Variants in EBF1 observed in about 807,000 individuals in gnomAD.
EBF1 encodes the protein transcription factor COE1.
EBF1 carries 10 observed loss-of-function variants against 68.4 expected under a neutral mutation model. The observed-to-expected ratio is 0.15, with a 90% CI of 0.09 to 0.25. EBF1 has a LOEUF of 0.25. Ranked by LOEUF, EBF1 falls within the 10% of genes least tolerant of loss-of-function variation. The pLI, the probability that EBF1 is intolerant of heterozygous loss-of-function variation, is 1.00. For synonymous variants in EBF1, 298 were observed against 299.8 expected, an observed-to-expected ratio of 0.99 and a Z score of 0.06; for missense variants, 509 against 794.4, an observed-to-expected ratio of 0.64 and a Z score of 4.32.
intron 6 of EBF1, among the ~76,000 whole-genome samples, chr5:158,974,556 C>T (rs1380713707): frequency 6.6e-6 from 1 of 152,186 alleles, no homozygotes; most frequent in African/African-American, 2.4e-5. Flanking sequence ...CTTGAATACA[C>T]ACACACATTA....
chr5:158,759,773 G>A (rs1470827644), intron 10 of EBF1, among the ~76,000 whole-genome samples: 1 of 151,970 alleles, frequency 6.6e-6, no homozygotes, highest in Admixed American at 6.6e-5. Flanking sequence ...GCCTCCTTGT[G>A]TATTGCCTGC....
intron 10 of EBF1, among the ~76,000 whole-genome samples, chr5:158,744,945 G>T (rs1049152911): frequency 3.3e-5 from 5 of 152,116 alleles, no homozygotes; most frequent in African/African-American, 1.2e-4. Context: ...TTAAGAAGTG[G>T]ATTGAACTAA....
At chr5:159,007,920 G>C (rs1763879675) in intron 6 of EBF1, among the ~76,000 whole-genome samples, 1 of 152,156 alleles carries the variant, frequency 6.6e-6, no homozygotes, top group Non-Finnish European at 1.5e-5. Flanking sequence ...CCCAACAAAT[G>C]TTAAAATTGA....
chr5:159,045,948 T>C (rs541101878), intron 6 of EBF1, among the ~76,000 whole-genome samples: 1 of 152,176 alleles, frequency 6.6e-6, no homozygotes, highest in Non-Finnish European at 1.5e-5. Flanking sequence ...CCATAGCCTA[T>C]CTGAGCTTTG....
chr5:158,735,965 C>T lies in EBF1; in HGVS notation c.1037-4808G>A, dbSNP rs147986559. On this transcript the variant is annotated intron_variant, in intron 10 of 15. Coordinates refer to ENST00000313708, the MANE Select transcript of EBF1 (RefSeq NM_024007.5). ...ATGAAATGCTATATGCAAAGAAAATCGAGATAACACAACTAGTTTTTATGC... is the reference window on the plus strand; with the variant it reads ...ATGAAATGCTATATGCAAAGAAAATTGAGATAACACAACTAGTTTTTATGC... 8.4e-3 allele frequency among the ~76,000 whole-genome samples: 1,281 copies of T among 152,228 alleles called. 15 individuals carry two copies. The highest frequency in any genetic ancestry group is 0.029 in the African/African-American group (1,199 of 41,540).
chr5:159,064,899 C>CTTTTTTTTTTTTTTTTTTTTTTTT (rs57256923), intron 6 of EBF1, among the ~76,000 whole-genome samples: 1 of 67,912 alleles, frequency 1.5e-5, no homozygotes, highest in Non-Finnish European at 2.5e-5. Flanking sequence ...CTCTTTTCAT[C>CTTTTTTTTTTTTTTTTTTTTTTTT]TTTTTTTTTT....
At chr5:158,763,507 C>T (rs556546839) in intron 10 of EBF1, among the ~76,000 whole-genome samples, 3 of 152,140 alleles carry the variant, frequency 2.0e-5, no homozygotes, top group Non-Finnish European at 4.4e-5. Flanking sequence ...TCAAGAAAAC[C>T]CCCTTCTTTT....
intron 6 of EBF1, among the ~76,000 whole-genome samples, chr5:158,906,222 A>C (rs1402875890): frequency 6.6e-6 from 1 of 151,500 alleles, no homozygotes; most frequent in Non-Finnish European, 1.5e-5. Flanking sequence ...AGAATGTTGT[A>C]AGTGACAGTT....
intron 6 of EBF1, among the ~76,000 whole-genome samples, chr5:159,007,663 T>C (rs1763829585): frequency 6.6e-6 from 1 of 152,304 alleles, no homozygotes; most frequent in Admixed American, 6.5e-5. Flanking sequence ...CCAGGGCCCC[T>C]TCGTGCACCT....
intron 8 of EBF1, among the ~76,000 whole-genome samples, chr5:158,805,520 T>C (rs1035140733): frequency 6.6e-6 from 1 of 152,150 alleles, no homozygotes. Flanking sequence ...AAAACATAGA[T>C]GCGTGCAGAT....
At chr5:158,893,605 T>C (rs1801613608) in intron 6 of EBF1, among the ~76,000 whole-genome samples, 1 of 152,196 alleles carries the variant, frequency 6.6e-6, no homozygotes. Context: ...AAGAATCTGC[T>C]CACTTAATCC....
chr5:158,820,354 A>T (rs922583443), intron 8 of EBF1, among the ~76,000 whole-genome samples: 1 of 152,182 alleles, frequency 6.6e-6, no homozygotes, highest in African/African-American at 2.4e-5. Flanking sequence ...GGACTTTTCA[A>T]CAGCAAAATA....
At chr5:158,759,334 TAG>T (rs1417208847) in intron 10 of EBF1, among the ~76,000 whole-genome samples, 1 of 152,176 alleles carries the variant, frequency 6.6e-6, no homozygotes, top group Non-Finnish European at 1.5e-5. Context: ...CCTATTTTTT[TAG>T]AGTCAGAAAG....
intron 8 of EBF1, among the ~76,000 whole-genome samples, chr5:158,797,573 A>G (rs936390857): frequency 6.6e-6 from 1 of 152,194 alleles, no homozygotes; most frequent in African/African-American, 2.4e-5. Context: ...ACGGGAAAAA[A>G]CTGGCAAAAA....
chr5:158,799,514 C>G (rs1345322200), intron 8 of EBF1, among the ~76,000 whole-genome samples: 26 of 152,072 alleles, frequency 1.7e-4, no homozygotes, highest in Admixed American at 1.5e-3. Flanking sequence ...ATGAAGAACC[C>G]CAACATGTCA....
intron 7 of EBF1, among the ~76,000 whole-genome samples, chr5:158,839,598 G>C (rs1186971678): frequency 6.6e-6 from 1 of 152,056 alleles, no homozygotes; most frequent in African/African-American, 2.4e-5. Flanking sequence ...GGCCAGGCTG[G>C]TCTTGAACTC....
intron 6 of EBF1, among the ~76,000 whole-genome samples, chr5:158,998,048 A>G (rs1583799296): frequency 6.6e-6 from 1 of 152,166 alleles, no homozygotes; most frequent in East Asian, 1.9e-4. Context: ...GACCTCCTCT[A>G]GGAAATCTTC....
At chr5:158,722,306 C>T (rs1008404188) in intron 11 of EBF1, among the ~76,000 whole-genome samples, 1 of 152,184 alleles carries the variant, frequency 6.6e-6, no homozygotes, top group Non-Finnish European at 1.5e-5. Flanking sequence ...TTTAAGTCGC[C>T]AAGGCCTGGG....
chr5:158,735,389 C>G (rs2127556674), intron 10 of EBF1, among the ~76,000 whole-genome samples: 1 of 152,286 alleles, frequency 6.6e-6, no homozygotes, highest in African/African-American at 2.4e-5. Context: ...TTCCACTGAC[C>G]CCTTCAAACT....
Sources: allele counts gnomAD v4.1 joint callset (sites outside exome capture counted in the v4.1 genomes callset), GRCh38; gene constraint gnomAD v4.1.1; transcripts MANE v1.5; gene names NCBI Gene and HGNC (gene_info 2026-07-23, HGNC 2026-07-21).